The following XG variants were observed in gnomAD, a reference collection of about 807,000 sequenced individuals.
XG encodes the protein glycoprotein Xg.
XG carries 24 observed loss-of-function variants against 25.7 expected under a neutral mutation model. That is an observed-to-expected ratio of 0.93 (90% CI 0.68 to 1.31). The LOEUF (loss-of-function observed/expected upper bound fraction) is 1.31. XG is among the 40% of genes most tolerant of loss of function. The probability of loss-of-function intolerance (pLI) is 0.00; values close to 1 mark genes in which losing one functional copy is unlikely to be tolerated. For missense variants in XG, 181 were observed against 187.6 expected, an observed-to-expected ratio of 0.96 and a Z score of 0.21; for synonymous variants, 77 against 69.2, an observed-to-expected ratio of 1.11 and a Z score of -0.56.
chrX:2,782,694 GT>G (rs750189309), intron 4 of XG, among the ~76,000 whole-genome samples: 3 of 111,505 alleles, frequency 2.7e-5, no homozygotes, highest in Non-Finnish European at 3.8e-5. Flanking sequence ...GATCCATCCA[GT>G]GCAGAGGCTG....
chrX:2,759,181 T>A (rs190155850), intron 1 of XG, among the ~76,000 whole-genome samples: 1 of 152,284 alleles, frequency 6.6e-6, no homozygotes, highest in African/African-American at 2.4e-5. Flanking sequence ...TGCACTGGGA[T>A]GGGTGTTCTC....
chrX:2,793,823 CT>C (rs1210998898), intron 5 of XG, among the ~76,000 whole-genome samples: 1 of 111,738 alleles, frequency 8.9e-6, no homozygotes, highest in Non-Finnish European at 1.9e-5. Flanking sequence ...GAATCGGCCA[CT>C]GCCAACGTGA....
intron 4 of XG, among the ~76,000 whole-genome samples, chrX:2,784,489 G>C (rs1228462200): frequency 1.9e-5 from 2 of 107,332 alleles, no homozygotes; most frequent in Non-Finnish European, 3.8e-5. Flanking sequence ...AGAATCGCTT[G>C]AACCTGGGAG....
chrX:2,760,099 T>C (rs1215902629), intron 1 of XG, among the ~76,000 whole-genome samples: 1 of 151,684 alleles, frequency 6.6e-6, no homozygotes, highest in Non-Finnish European at 1.5e-5. Context: ...TGCAGTGAGC[T>C]GAGATTGTGC....
At chrX:2,777,122 C>T (rs1056824722) in intron 3 of XG, among the ~76,000 whole-genome samples, 4 of 152,030 alleles carry the variant, frequency 2.6e-5, no homozygotes, top group Non-Finnish European at 5.9e-5. Flanking sequence ...CAGCAGGATG[C>T]GAATAGCAAT....
chrX:2,786,459 G>A (rs1407077355), intron 4 of XG, among the ~76,000 whole-genome samples: 1 of 108,339 alleles, frequency 9.2e-6, no homozygotes, highest in Non-Finnish European at 1.9e-5. Flanking sequence ...GCAGAGACAG[G>A]GTTTCACCAT....
chrX:2,796,877 A>G, intron 6 of XG, among the ~76,000 whole-genome samples: 1 of 112,266 alleles, frequency 8.9e-6, no homozygotes. Flanking sequence ...TATTACAATA[A>G]CAATCAGGAA....
chrX:2,763,089 G>C (rs746207630), intron 1 of XG, among the ~76,000 whole-genome samples: 1 of 152,264 alleles, frequency 6.6e-6, no homozygotes, highest in South Asian at 2.1e-4. Context: ...TCTTGGCTCA[G>C]TGCAACCTCC....
At chrX:2,811,172 C>T (rs192779017) in intron 9 of XG, among the ~76,000 whole-genome samples, 164 bp from the exon 10 acceptor site, 4 of 109,080 alleles carry the variant, frequency 3.7e-5, no homozygotes, top group East Asian at 2.9e-4. Flanking sequence ...TGGGAAGGGA[C>T]GTGATGGAGA....
At chrX:2,771,713 A>G (rs1263070716) in intron 2 of XG, among the ~76,000 whole-genome samples, 2 of 152,230 alleles carry the variant, frequency 1.3e-5, no homozygotes, top group African/African-American at 4.8e-5. Flanking sequence ...GTGCAGTTAC[A>G]TAATGGTGTT....
chrX:2,762,130 C>T (rs890631592), intron 1 of XG, among the ~76,000 whole-genome samples: 67 of 152,320 alleles, frequency 4.4e-4, no homozygotes, highest in African/African-American at 1.2e-3. Context: ...ACCAGTGCCT[C>T]ATTGCATGGT....
intron 1 of XG, among the ~76,000 whole-genome samples, chrX:2,763,486 G>C (rs1044079576): frequency 2.0e-5 from 3 of 151,882 alleles, no homozygotes; most frequent in Non-Finnish European, 2.9e-5. Flanking sequence ...GCGGTGGGAG[G>C]GGGGTGGAAG....
chrX:2,805,594 C>G (rs2086988347), intron 7 of XG, among the ~76,000 whole-genome samples: 1 of 108,961 alleles, frequency 9.2e-6, no homozygotes, highest in Admixed American at 9.8e-5. Context: ...CATTGATTCT[C>G]TCACCGTCCT....
intron 6 of XG, among the ~76,000 whole-genome samples, chrX:2,796,468 A>G (rs865995278): frequency 4.0e-4 from 38 of 95,976 alleles, no homozygotes; most frequent in African/African-American, 8.2e-4. Flanking sequence ...ATTTAGGTAT[A>G]TGTGTGTGTG....
intron 3 of XG, among the ~76,000 whole-genome samples, chrX:2,776,138 C>CCACAG (rs1037173176): frequency 3.6e-5 from 1 of 27,862 alleles, no homozygotes; most frequent in African/African-American, 7.8e-5. Flanking sequence ...TAGAAAAACG[C>CCACAG]TTTGAGACAA....
chrX:2,767,437 G>A (rs912264224), intron 1 of XG, among the ~76,000 whole-genome samples: 14 of 152,088 alleles, frequency 9.2e-5, no homozygotes, highest in African/African-American at 3.4e-4. Flanking sequence ...TTTCTTCTTG[G>A]GGGTTTAGGG....
chrX:2,788,756 G>A (rs1419518049), intron 4 of XG, among the ~76,000 whole-genome samples: 4 of 110,317 alleles, frequency 3.6e-5, no homozygotes, highest in African/African-American at 9.9e-5. Flanking sequence ...TCGGGAGGCT[G>A]AGGCAGGAGA....
intron 4 of XG, among the ~76,000 whole-genome samples, chrX:2,782,806 C>T (rs941788495): frequency 1.4e-4 from 16 of 111,713 alleles, no homozygotes; most frequent in African/African-American, 5.2e-4. Context: ...GCTGCACGAG[C>T]CCTAAAGTGT....
intron 3 of XG, among the ~76,000 whole-genome samples, chrX:2,781,531 G>A: frequency 1.0e-5 from 1 of 100,195 alleles, no homozygotes; most frequent in African/African-American, 3.6e-5. Context: ...TAGCTTGGAA[G>A]GTATATAAGC....
Sources: gnomAD v4.1 joint callset for allele counts (sites outside exome capture counted in the v4.1 genomes callset) on GRCh38, gnomAD v4.1.1 for gene constraint, MANE v1.5 for transcripts, NCBI Gene and HGNC (gene_info 2026-07-23, HGNC 2026-07-21) for gene names.